Variants in FIG4 observed in about 807,000 individuals in gnomAD.
FIG4 encodes FIG4 phosphoinositide 5-phosphatase.
Under a neutral mutation model 118.6 loss-of-function variants are expected in FIG4, and 112 were observed. That is an observed-to-expected ratio of 0.94 (90% confidence interval 0.81 to 1.11). FIG4 has a LOEUF of 1.11. Among genes scored for constraint, FIG4 ranks in the 50% least tolerant of loss-of-function variants. The pLI is 0.00. For synonymous variants in FIG4, 369 were observed against 381.2 expected (o/e 0.97, Z 0.37); for missense variants, 969 against 1,111.7 (o/e 0.87, Z 1.83).
intron 1 of FIG4, among the ~76,000 whole-genome samples, chr6:109,706,728 G>A (rs566287087): frequency 3.9e-5 from 6 of 152,132 alleles, no homozygotes; most frequent in Non-Finnish European, 5.9e-5. Context: ...CTTTGTGAAC[G>A]AACATTTTCT....
chr6:109,764,390 A>T (rs1777215379), intron 13 of FIG4, among the ~76,000 whole-genome samples: 1 of 151,632 alleles, frequency 6.6e-6, no homozygotes. Flanking sequence ...GTGAGGCGAG[A>T]TCATGCCACT....
intron 22 of FIG4, among the ~76,000 whole-genome samples, chr6:109,806,658 A>G (rs1778572152): frequency 6.6e-6 from 1 of 151,222 alleles, no homozygotes; most frequent in African/African-American, 2.4e-5. Flanking sequence ...AAGTTCTGGG[A>G]TACATGTACA....
chr6:109,722,414 T>C (rs1329058654), intron 3 of FIG4, among the ~76,000 whole-genome samples: 1 of 152,044 alleles, frequency 6.6e-6, no homozygotes, highest in African/African-American at 2.4e-5. Flanking sequence ...TTTCATCAGC[T>C]GAGAATAACA....
intron 14 of FIG4, 85 bp from the exon 15 acceptor site, chr6:109,766,644 A>G (rs1777287574): frequency 4.3e-6 from 5 of 1,154,840 alleles, no homozygotes; most frequent in Non-Finnish European, 6.5e-6. Context: ...TTTTTAAAGT[A>G]TAAGACTTGT....
At chr6:109,705,762 A>C (rs1454713196) in intron 1 of FIG4, among the ~76,000 whole-genome samples, 2 of 152,264 alleles carry the variant, frequency 1.3e-5, no homozygotes, top group African/African-American at 4.8e-5. Flanking sequence ...ATTTATTAAA[A>C]TTCTGTACAA....
chr6:109,796,670 C>T, intron 21 of FIG4, 95 bp from the exon 22 acceptor site: 1 of 805,260 alleles, frequency 1.2e-6, no homozygotes, highest in Non-Finnish European at 2.2e-6. Flanking sequence ...AAGCATACTA[C>T]TGAAATTTGA....
At chr6:109,728,912 A>G (rs914424783) in intron 4 of FIG4, among the ~76,000 whole-genome samples, 10 of 152,158 alleles carry the variant, frequency 6.6e-5, no homozygotes, top group Admixed American at 6.5e-4. Flanking sequence ...GTGTACAGTG[A>G]TTTGGATATC....
intron 15 of FIG4, among the ~76,000 whole-genome samples, chr6:109,773,469 C>T (rs533696473): frequency 2.1e-4 from 32 of 152,238 alleles, no homozygotes; most frequent in African/African-American, 7.5e-4. Context: ...ACTTCAATAC[C>T]CATTGATCAA....
intron 10 of FIG4, among the ~76,000 whole-genome samples, chr6:109,757,779 A>G (rs567476356): frequency 1.6e-4 from 24 of 152,350 alleles, no homozygotes; most frequent in African/African-American, 5.8e-4. Context: ...AGGATACAAA[A>G]TCAATGTGCA....
chr6:109,695,841 GAAACA>G, intron 1 of FIG4, among the ~76,000 whole-genome samples: 1 of 152,362 alleles, frequency 6.6e-6, no homozygotes, highest in South Asian at 2.1e-4. Flanking sequence ...TGATCTGGGT[GAAACA>G]GCGTTGGGAG....
intron 22 of FIG4, among the ~76,000 whole-genome samples, chr6:109,816,886 A>C (rs1778876077): frequency 6.6e-6 from 1 of 152,250 alleles, no homozygotes; most frequent in Non-Finnish European, 1.5e-5. Context: ...CATCACCTCC[A>C]TGTGGGAGAT....
intron 22 of FIG4, among the ~76,000 whole-genome samples, chr6:109,801,547 C>CA (rs906430009): frequency 2.0e-5 from 3 of 152,002 alleles, no homozygotes; most frequent in African/African-American, 7.2e-5. Context: ...GAATCCATCT[C>CA]AAAAAAATAA....
chr6:109,720,589 C>T (rs766589708), intron 3 of FIG4, among the ~76,000 whole-genome samples: 5 of 152,188 alleles, frequency 3.3e-5, no homozygotes, highest in Non-Finnish European at 5.9e-5. Flanking sequence ...TGACTTAAAA[C>T]ACGAGTTTAA....
chr6:109,701,097 T>A (rs1379131229), intron 1 of FIG4, among the ~76,000 whole-genome samples: 1 of 152,106 alleles, frequency 6.6e-6, no homozygotes, highest in Non-Finnish European at 1.5e-5. Flanking sequence ...GAAGTTCAGG[T>A]CGTTATTGTT....
chr6:109,708,730 CT>C (rs530224836), intron 1 of FIG4, among the ~76,000 whole-genome samples: 2 of 151,896 alleles, frequency 1.3e-5, no homozygotes, highest in African/African-American at 2.4e-5. Flanking sequence ...TGATGCAGAG[CT>C]TTTTTTTCAT....
At chr6:109,787,423 G>T (rs186395371) in intron 18 of FIG4, among the ~76,000 whole-genome samples, 187 of 152,140 alleles carry the variant, frequency 1.2e-3, no homozygotes, top group Non-Finnish European at 2.0e-3. Context: ...ATTCTTACTT[G>T]CTTGATTTTT....
At chr6:109,792,257 T>G (rs1023293783) in intron 20 of FIG4, among the ~76,000 whole-genome samples, 1 of 152,254 alleles carries the variant, frequency 6.6e-6, no homozygotes, top group African/African-American at 2.4e-5. Context: ...GCTGAGTATT[T>G]GCAACAGAGA....
Position 109,792,590 on chromosome 6 carries a change from C to A in FIG4, c.2385C>A (p.Val795=). 6.3e-7 allele frequency: 1 copy of A among 1,594,834 alleles called. No individual in the cohort carries two copies. Among genetic ancestry groups the A allele is most frequent in the Non-Finnish European group, 8.6e-7 (1 of 1,163,528 alleles). ...TTTTTTTTAAACCCCAGAATGTGGT[C>A]CAACCCATGAAGGAGCTATATGGAA... ...GDSAKVTENV[V]QPMKELYGIN... Residue 795 remains valine, a synonymous_variant, in exon 21 of 23, where the codon GTC becomes GTA. Coordinates refer to ENST00000230124, the MANE Select transcript of FIG4 (RefSeq NM_014845.6).
At chr6:109,716,829 T>A (rs927678799) in intron 3 of FIG4, among the ~76,000 whole-genome samples, 1 of 152,194 alleles carries the variant, frequency 6.6e-6, no homozygotes, top group Non-Finnish European at 1.5e-5. Context: ...GAGGTTGCTG[T>A]CTGTCTCATT....
Sources: allele counts gnomAD v4.1 joint callset (sites outside exome capture counted in the v4.1 genomes callset), GRCh38; gene constraint gnomAD v4.1.1; transcripts MANE v1.5; gene names NCBI Gene and HGNC (gene_info 2026-07-23, HGNC 2026-07-21).